Variants in CFAP91 observed in about 807,000 individuals in gnomAD.
CFAP91 encodes cilia and flagella associated protein 91, also known as cilia- and flagella-associated protein 91.
CFAP91 carries 85 observed loss-of-function variants against 95.9 expected under a neutral mutation model. That is an observed-to-expected ratio of 0.89 (90% CI 0.74 to 1.06). The LOEUF (loss-of-function observed/expected upper bound fraction) is 1.06. CFAP91 is among the 50% of genes least tolerant of loss of function. CFAP91 has a pLI of 0.00. For missense variants in CFAP91, 962 were observed against 943.4 expected (o/e 1.02, Z -0.26); for synonymous variants, 335 against 327.5 (o/e 1.02, Z -0.25).
chr3:119,740,210 A>G (rs1242423078), intron 12 of CFAP91, among the ~76,000 whole-genome samples: 1 of 152,250 alleles, frequency 6.6e-6, no homozygotes, highest in Non-Finnish European at 1.5e-5. Flanking sequence ...GCCATGAAAA[A>G]TGCCATCCTC....
At chr3:119,709,986 T>G in intron 5 of CFAP91, 91 bp downstream of exon 5, 2 of 1,013,694 alleles carry the variant, frequency 2.0e-6, no homozygotes, top group South Asian at 2.8e-5. Context: ...AAATCACTAT[T>G]TTTCAAATTG....
In CFAP91 at chr3:119,765,548, C is replaced by A. The variant is rs1416892653; in HGVS notation, c.*498C>A. On this transcript the variant is annotated 3_prime_UTR_variant, in exon 18 of 18. Coordinates refer to ENST00000273390, the MANE Select transcript of CFAP91 (RefSeq NM_033364.4). The stretch of plus-strand genomic sequence containing the variant: ...TTATAGTAGTGGTGTTCACAATAGT[C>A]CCAAACTGGAAACCCAAGTGTCCAT... 1 of 152,176 alleles carries A rather than the reference C, an allele frequency of 6.6e-6. No homozygotes were observed. The highest frequency in any genetic ancestry group is 2.4e-5 in the African/African-American group (1 of 41,442). 9.4% of individuals were successfully genotyped at this position (152,176 alleles called of 1,614,324 possible).
At position 119,744,113 on chromosome 3, in the gene CFAP91, C is replaced by T. The variant is rs758712560; in HGVS notation, c.1819C>T (p.Arg607Trp). 3.7e-6 allele frequency: 6 copies of T among 1,614,054 alleles called. No individual in the cohort carries two copies. Among genetic ancestry groups the T allele is most frequent in the South Asian group, 2.2e-5 (2 of 91,076 alleles). Residue 607 changes from arginine (R) to tryptophan (W), a missense_variant, in exon 14 of 18, where the codon CGG becomes TGG. By Grantham distance (101) the Arg-to-Trp change is moderately radical (BLOSUM62 -3). Coordinates refer to ENST00000273390, the MANE Select transcript of CFAP91 (RefSeq NM_033364.4). ...HAFVMLAERQ[R>W]RVREAEESGR... ...CTTTGTCATGCTGGCTGAGCGCCAG[C>T]GGCGGGTACGAGAGGCTGAAGAGAG...
At chr3:119,725,654 G>T (rs1416917102) in intron 6 of CFAP91, among the ~76,000 whole-genome samples, 1 of 152,094 alleles carries the variant, frequency 6.6e-6, no homozygotes, top group Non-Finnish European at 1.5e-5. Flanking sequence ...CTACTTGGGA[G>T]GCTGAGGTGG....
chr3:119,707,906 C>T (rs576503510), intron 3 of CFAP91, among the ~76,000 whole-genome samples: 65 of 152,008 alleles, frequency 4.3e-4, no homozygotes, highest in Middle Eastern at 3.4e-3. Context: ...AAGAATAAGT[C>T]GAATTCTTTA....
intron 6 of CFAP91, among the ~76,000 whole-genome samples, chr3:119,717,545 C>T (rs1169506457): frequency 1.0e-5 from 1 of 99,808 alleles, no homozygotes; most frequent in African/African-American, 3.5e-5. Flanking sequence ...AAGTAAAATA[C>T]GTTGGTTTTT....
At position 119,767,031 on chromosome 3, in the gene CFAP91, C is replaced by T. The variant is rs2054642502; in HGVS notation, c.*1981C>T. 1 of 152,084 alleles carries T rather than the reference C, an allele frequency of 6.6e-6. No homozygotes were observed. Among genetic ancestry groups the T allele is most frequent in the Non-Finnish European group, 1.5e-5 (1 of 68,012 alleles). 9.4% of individuals were successfully genotyped at this position (152,084 alleles called of 1,614,324 possible). On this transcript the variant is annotated 3_prime_UTR_variant, in exon 18 of 18. Transcript: ENST00000273390. ...TTATAATGGCTTGAGTTAAAATGCT[C>T]CAACTTTTCTAATTTTTGCTTTTGA...
chr3:119,707,256 A>G, intron 2 of CFAP91, 148 bp from the exon 3 acceptor site: 1 of 591,406 alleles, frequency 1.7e-6, no homozygotes, highest in Non-Finnish European at 2.8e-6. Flanking sequence ...ATGTATTTAA[A>G]GATATTTTAC....
chr3:119,754,919 C>G (rs1294488791), intron 17 of CFAP91, among the ~76,000 whole-genome samples: 1 of 152,198 alleles, frequency 6.6e-6, no homozygotes, highest in Non-Finnish European at 1.5e-5. Context: ...CCAAAGAAGA[C>G]TATACTCAAG....
At chr3:119,737,560 G>A in intron 11 of CFAP91, 78 bp downstream of exon 11, 1 of 881,768 alleles carries the variant, frequency 1.1e-6, no homozygotes, top group Non-Finnish European at 1.8e-6. Flanking sequence ...TTAGCTTAAA[G>A]CAAATCTAAT....
intron 16 of CFAP91, chr3:119,748,957 A>G (rs1471808976): frequency 6.6e-6 from 1 of 152,234 alleles, no homozygotes; most frequent in Non-Finnish European, 1.5e-5. Context: ...CCAATTTGAT[A>G]TTACCAAATT....
At chr3:119,723,016 T>G (rs1183520906) in intron 6 of CFAP91, among the ~76,000 whole-genome samples, 5 of 152,212 alleles carry the variant, frequency 3.3e-5, no homozygotes, top group African/African-American at 1.2e-4. Context: ...TAATCCAGAT[T>G]CCCACTCTCA....
At chr3:119,757,201 A>G (rs1179087129) in intron 17 of CFAP91, among the ~76,000 whole-genome samples, 3 of 152,346 alleles carry the variant, frequency 2.0e-5, no homozygotes, top group East Asian at 3.9e-4. Flanking sequence ...TAATGTCACA[A>G]TTTAAATATA....
intron 5 of CFAP91, among the ~76,000 whole-genome samples, chr3:119,711,232 T>TATA (rs1225535163): frequency 2.0e-5 from 3 of 152,198 alleles, no homozygotes; most frequent in African/African-American, 7.2e-5. Context: ...TTTGGCTCTT[T>TATA]ATAGAGATGG....
At chr3:119,753,458 G>A (rs1310334078) in intron 17 of CFAP91, among the ~76,000 whole-genome samples, 1 of 152,078 alleles carries the variant, frequency 6.6e-6, no homozygotes, top group African/African-American at 2.4e-5. Flanking sequence ...GGTTTCTATT[G>A]CTTCAAGGAA....
intron 6 of CFAP91, among the ~76,000 whole-genome samples, chr3:119,722,090 A>C (rs1390754426): frequency 6.7e-6 from 1 of 149,608 alleles, no homozygotes. Flanking sequence ...GGATTGCTTG[A>C]GCCCAGGGGT....
intron 17 of CFAP91, among the ~76,000 whole-genome samples, chr3:119,755,294 G>C (rs1040027246): frequency 6.6e-6 from 1 of 151,016 alleles, no homozygotes; most frequent in Non-Finnish European, 1.5e-5. Context: ...TAGAATGCTT[G>C]TGGATTGAAA....
At chr3:119,717,427 C>G (rs1488656461) in intron 6 of CFAP91, among the ~76,000 whole-genome samples, 2 of 152,152 alleles carry the variant, frequency 1.3e-5, no homozygotes, top group African/African-American at 4.8e-5. Flanking sequence ...ATAAAAGCCT[C>G]TATGAGACAG....
At chr3:119,710,999 A>G (rs2053461847) in intron 5 of CFAP91, among the ~76,000 whole-genome samples, 1 of 152,232 alleles carries the variant, frequency 6.6e-6, no homozygotes, top group Admixed American at 6.5e-5. Context: ...GGTATTCATG[A>G]AATTATCAGG....
Sources: gnomAD v4.1 joint callset for allele counts (sites outside exome capture counted in the v4.1 genomes callset) on GRCh38, gnomAD v4.1.1 for gene constraint, MANE v1.5 for transcripts, NCBI Gene and HGNC (gene_info 2026-07-23, HGNC 2026-07-21) for gene names.